Variants in CDK5RAP2 observed in about 807,000 individuals in gnomAD.
The protein encoded by CDK5RAP2 is CDK5 regulatory subunit-associated protein 2.
In CDK5RAP2, 147 loss-of-function variants were observed where a neutral mutation model predicts 232.9. The ratio of observed to expected loss-of-function variants is 0.63; its 90% CI spans 0.55 to 0.72. The LOEUF (loss-of-function observed/expected upper bound fraction) is 0.72. CDK5RAP2 is among the 30% of genes least tolerant of loss of function. CDK5RAP2 has a pLI of 0.00. For missense variants in CDK5RAP2, 2,195 were observed against 2,231.5 expected (o/e 0.98, Z 0.33); for synonymous variants, 833 against 833.7 (o/e 1.00, Z 0.01).
In CDK5RAP2 at chr9:120,409,172, T is replaced by G; in HGVS notation, c.4559A>C (p.Gln1520Pro). The change falls in exon 30 of 38, where the codon CAG (glutamine) becomes CCG (proline). Residue 1520 changes from glutamine to proline, a missense_variant. Gln to Pro is a moderately conservative substitution (Grantham distance 76). Transcript: ENST00000349780. ...GCAGCGGACCTCCTGGATCAGCTGCTGGTTGTGTCTCTCCTTCTCGCTGCC... is the reference window on the plus strand; with the variant it reads ...GCAGCGGACCTCCTGGATCAGCTGCGGGTTGTGTCTCTCCTTCTCGCTGCC... ...KEGSEKERHN[Q>P]QLIQEVRCSG... 1 of 1,613,426 alleles carries G rather than the reference T, an allele frequency of 6.2e-7. No homozygotes were observed. Among genetic ancestry groups the G allele is most frequent in the South Asian group, 1.1e-5 (1 of 91,046 alleles).
intron 12 of CDK5RAP2, among the ~76,000 whole-genome samples, chr9:120,511,267 A>T (rs2040068448): frequency 1.3e-5 from 2 of 152,198 alleles, no homozygotes. Flanking sequence ...AAAATTCAAG[A>T]ACGCTACAAA....
intron 20 of CDK5RAP2, 22 bp downstream of exon 20, chr9:120,458,428 A>G (rs764171721): frequency 6.2e-7 from 1 of 1,612,672 alleles, no homozygotes; most frequent in South Asian, 1.1e-5. Context: ...GAAACAAAGG[A>G]ATGCCTGGGC....
rs775616637 is a variant in CDK5RAP2 at position 120,518,545 on chromosome 9, C to T, written c.1193G>A (p.Arg398His). Residue 398 changes from arginine (R) to histidine (H), a missense_variant, in exon 12 of 38, where the codon CGT becomes CAT. Coordinates refer to ENST00000349780, the MANE Select transcript of CDK5RAP2 (RefSeq NM_018249.6). ...CTGGGTGATCTTCTTAATGCTTCTACGCAGTCTGTGGTTCTCTGTACTCTT... is the reference window on the plus strand; with the variant it reads ...CTGGGTGATCTTCTTAATGCTTCTATGCAGTCTGTGGTTCTCTGTACTCTT... ...LTKSTENHRL[R>H]RSIKKITQEL... The T allele has an allele frequency of 2.5e-5, 40 of 1,613,780 alleles. No homozygotes were observed. The highest frequency in any genetic ancestry group is 3.1e-5 in the Non-Finnish European group (36 of 1,179,970).
At chr9:120,550,484 A>AACCATTCC (rs1223606663) in intron 4 of CDK5RAP2, among the ~76,000 whole-genome samples, 1 of 152,212 alleles carries the variant, frequency 6.6e-6, no homozygotes, top group Non-Finnish European at 1.5e-5. Flanking sequence ...TCAACTCCAA[A>AACCATTCC]ACCATTCCAC....
rs185604425 is a variant in CDK5RAP2, at chr9:120,422,800, A to G, written c.3956-59T>C. 1.3e-4 allele frequency: 160 copies of G among 1,265,758 alleles called. 1 individual carries two copies. In the East Asian group the frequency reaches 3.7e-3, roughly 29 times the overall value. 78.4% of individuals were successfully genotyped at this position (1,265,758 alleles called of 1,614,324 possible). A position where few individuals can be genotyped will look rare whatever the true frequency, so the allele number is the denominator to read the frequency against. ...AAAAAAATGTTTTTAAGTGTTCCCT[A>G]ATAATTTCCTGCTCATACATTTGCA... On this transcript the variant is annotated intron_variant, in intron 25 of 37. Transcript: ENST00000349780.
chr9:120,430,748 C>T (rs1170491653), intron 25 of CDK5RAP2, among the ~76,000 whole-genome samples: 1 of 151,552 alleles, frequency 6.6e-6, no homozygotes, highest in Non-Finnish European at 1.5e-5. Flanking sequence ...TTGACCCAGC[C>T]ATCCCATTAC....
chr9:120,491,262 C>A (rs1406619818), intron 13 of CDK5RAP2, 45 bp downstream of exon 13: 1 of 1,388,716 alleles, frequency 7.2e-7, no homozygotes, highest in South Asian at 1.2e-5. Flanking sequence ...TTAAAAAAAT[C>A]AACCCATGCC....
intron 4 of CDK5RAP2, among the ~76,000 whole-genome samples, chr9:120,546,538 C>T (rs962301737): frequency 1.3e-5 from 2 of 152,202 alleles, no homozygotes; most frequent in Non-Finnish European, 1.5e-5. Context: ...ATTAGATGAA[C>T]TCAAGTAGTA....
intron 12 of CDK5RAP2, 89 bp from the exon 13 acceptor site, chr9:120,491,566 A>G: frequency 1.2e-6 from 1 of 868,942 alleles, no homozygotes; most frequent in East Asian, 2.5e-5. Context: ...GCTACAAGAG[A>G]GCAAGATAAT....
At position 120,545,968 on chromosome 9, in the gene CDK5RAP2, C is replaced by T. The variant is rs41301537; in HGVS notation, c.307-178G>A. Among the ~76,000 whole-genome samples the T allele has an allele frequency of 7.3e-3, 1,109 of 152,306 alleles. 5 individuals are homozygous for T. The highest frequency in any genetic ancestry group is 0.014 in the Middle Eastern group (4 of 294). ...ACAGGGAAAAGGGAATTATTAAACA[C>T]TGGTGGTCTCAAAAGAAAGACCTAG... is the stretch of plus-strand genomic sequence containing the variant. On this transcript the variant is annotated intron_variant, in intron 4 of 37. Coordinates refer to ENST00000349780, the MANE Select transcript of CDK5RAP2 (RefSeq NM_018249.6).
chr9:120,475,323 C>T (rs1027923642), intron 15 of CDK5RAP2, among the ~76,000 whole-genome samples: 8 of 152,144 alleles, frequency 5.3e-5, no homozygotes, highest in African/African-American at 1.9e-4. Flanking sequence ...CTTGTTAGTC[C>T]CGGTTAGTCT....
At chr9:120,401,996 T>A (rs899468771) in intron 34 of CDK5RAP2, among the ~76,000 whole-genome samples, 1 of 144,608 alleles carries the variant, frequency 6.9e-6, no homozygotes, top group African/African-American at 2.8e-5. Context: ...AAAAAAAAAA[T>A]TTTATATATA....
chr9:120,460,611 A>C lies in CDK5RAP2; in HGVS notation c.2163T>G (p.Ile721Met), dbSNP rs755362554. Residue 721 changes from isoleucine (I) to methionine (M), a missense_variant, in exon 19 of 38, where the codon ATT becomes ATG. Ile to Met is a conservative substitution (Grantham distance 10). Coordinates refer to ENST00000349780, the MANE Select transcript of CDK5RAP2 (RefSeq NM_018249.6). ...DTIKIGEDDE[I>M]NFLSDQHLQQ... is the part of the protein sequence containing the mutation. ...GCAAATGCTGGTCACTCAGGAAATT[A>C]ATCTCGTCATCCTCCCCAATTTTGA... The C allele has an allele frequency of 1.2e-6, 2 of 1,614,178 alleles. No homozygotes were observed. Among genetic ancestry groups the C allele is most frequent in the East Asian group, 4.5e-5 (2 of 44,876 alleles).
intron 25 of CDK5RAP2, among the ~76,000 whole-genome samples, chr9:120,436,882 T>G (rs2035613401): frequency 6.6e-6 from 1 of 152,198 alleles, no homozygotes; most frequent in Non-Finnish European, 1.5e-5. Context: ...TTTTGCTTGG[T>G]TGACTGGATT....
rs533019541 is a variant in CDK5RAP2 at position 120,424,473 on chromosome 9, T to A, written c.3956-1732A>T. ...CTGGAAGAACCAGCTTGTAAGACCATCCCTAATGGGCAGGGACAACTGTGT... is the reference window on the plus strand; with the variant it reads ...CTGGAAGAACCAGCTTGTAAGACCAACCCTAATGGGCAGGGACAACTGTGT... On this transcript the variant is annotated intron_variant, in intron 25 of 37. Coordinates refer to ENST00000349780, the MANE Select transcript of CDK5RAP2 (RefSeq NM_018249.6). 6.6e-5 allele frequency among the ~76,000 whole-genome samples: 10 copies of A among 152,230 alleles called. No individual in the cohort carries two copies. The East Asian group carries it at 1.9e-3, about 29-fold the overall frequency.
chr9:120,490,212 T>C (rs2038829509), intron 13 of CDK5RAP2, among the ~76,000 whole-genome samples: 2 of 152,226 alleles, frequency 1.3e-5, no homozygotes, highest in African/African-American at 4.8e-5. Context: ...AAAGGACCTG[T>C]CAAAGGTGGC....
At chr9:120,460,456 G>A (rs1213735364) in intron 19 of CDK5RAP2, 116 bp downstream of exon 19, 2 of 922,604 alleles carry the variant, frequency 2.2e-6, no homozygotes, top group African/African-American at 1.6e-5. Context: ...GCACATGAAA[G>A]GTACAGGATA....
At chr9:120,492,768 CTGTG>C (rs1285428981) in intron 12 of CDK5RAP2, among the ~76,000 whole-genome samples, 1 of 152,086 alleles carries the variant, frequency 6.6e-6, no homozygotes, top group Non-Finnish European at 1.5e-5. Context: ...TATTCTGAAA[CTGTG>C]TGAGTATATA....
intron 25 of CDK5RAP2, among the ~76,000 whole-genome samples, chr9:120,426,861 T>A (rs750260047): frequency 6.6e-6 from 1 of 152,238 alleles, no homozygotes; most frequent in Non-Finnish European, 1.5e-5. Flanking sequence ...CTACAGAGTC[T>A]GTTCAGTCAG....
Sources: allele counts gnomAD v4.1 joint callset (sites outside exome capture counted in the v4.1 genomes callset), GRCh38; gene constraint gnomAD v4.1.1; transcripts MANE v1.5; gene names NCBI Gene and HGNC (gene_info 2026-07-23, HGNC 2026-07-21).